The following CDKN2B-AS1 variants were observed in gnomAD, a reference collection of about 807,000 sequenced individuals.
CDKN2B-AS1 encodes the protein CDKN2B and CDKN2A antisense cis and trans regulatory RNA 1, also known as CDKN2B antisense RNA 1 (non-protein coding).
intron 4 of CDKN2B-AS1, chr9:22,097,185 T>C (rs1825311323): frequency 6.6e-6 from 1 of 151,998 alleles, no homozygotes; most frequent in Non-Finnish European, 1.5e-5. Flanking sequence ...ATTTACAGCA[T>C]GAGATGGTGA....
chr9:22,018,485 C>T (rs1364714282), intron 1 of CDKN2B-AS1, among the ~76,000 whole-genome samples: 6 of 151,170 alleles, frequency 4.0e-5, no homozygotes, highest in African/African-American at 1.2e-4. Flanking sequence ...GGCGAAACCC[C>T]GTCTCTACTA....
chr9:22,124,215 T>C (rs1310152050), intron 4 of CDKN2B-AS1, among the ~76,000 whole-genome samples: 1 of 152,228 alleles, frequency 6.6e-6, no homozygotes, highest in Non-Finnish European at 1.5e-5. Flanking sequence ...TTTTAATCCA[T>C]TTCTATTTGA....
chr9:22,117,134 G>T (rs1238875837), intron 4 of CDKN2B-AS1, among the ~76,000 whole-genome samples: 2 of 152,162 alleles, frequency 1.3e-5, no homozygotes, highest in South Asian at 2.1e-4. Context: ...AAAATGTCTT[G>T]GGTGTTTACT....
At chr9:22,071,561 C>G (rs896474789) in intron 4 of CDKN2B-AS1, among the ~76,000 whole-genome samples, 1 of 152,024 alleles carries the variant, frequency 6.6e-6, no homozygotes. Flanking sequence ...TCATAGTTCA[C>G]TTTTGCCACT....
At chr9:22,062,611 G>T (rs1323297505) in intron 4 of CDKN2B-AS1, among the ~76,000 whole-genome samples, 1 of 152,086 alleles carries the variant, frequency 6.6e-6, no homozygotes, top group Non-Finnish European at 1.5e-5. Context: ...TTCTGAGGTA[G>T]TCTCTGTGTT....
chr9:22,088,544 C>T (rs941277885), intron 4 of CDKN2B-AS1, among the ~76,000 whole-genome samples: 1 of 152,184 alleles, frequency 6.6e-6, no homozygotes, highest in African/African-American at 2.4e-5. Flanking sequence ...CATGTGTTCT[C>T]TTACAAGTTA....
intron 1 of CDKN2B-AS1, chr9:22,029,492 A>G: frequency 1.3e-6 from 1 of 779,602 alleles, no homozygotes; most frequent in Non-Finnish European, 2.4e-6. Context: ...CCATGCTGTG[A>G]TGATTCCTCA....
chr9:22,108,547 G>T (rs767135344), intron 4 of CDKN2B-AS1, among the ~76,000 whole-genome samples: 14 of 152,132 alleles, frequency 9.2e-5, no homozygotes, highest in African/African-American at 1.4e-4. Flanking sequence ...TCCTACTTGA[G>T]GATCTCAAAC....
intron 4 of CDKN2B-AS1, among the ~76,000 whole-genome samples, chr9:22,122,736 T>C (rs1826126705): frequency 6.6e-6 from 1 of 152,166 alleles, no homozygotes; most frequent in Non-Finnish European, 1.5e-5. Context: ...GGGTTCTCTA[T>C]TCTGTTCTAT....
Position 22,095,234 on chromosome 9 carries a change from C to G in CDKN2B-AS1, n.439-31869C>G, listed in dbSNP as rs534018359. Among the ~76,000 whole-genome samples, 10 of 144,852 alleles carry G rather than the reference C, an allele frequency of 6.9e-5. No individual in the cohort carries two copies. The East Asian group carries it at 2.0e-3, about 29-fold the overall frequency. On this transcript the variant is annotated intron_variant and non_coding_transcript_variant, in intron 4 of 4. Coordinates refer to ENST00000650946, the Ensembl canonical transcript of CDKN2B-AS1. ...TCAGTCTGCCCCTACTGGGGGGTGC[C>G]TCACAGTTAGGCTACTCGGGGGTCA...
intron 1 of CDKN2B-AS1, among the ~76,000 whole-genome samples, chr9:22,018,002 A>C (rs1587406994): frequency 6.6e-6 from 1 of 152,222 alleles, no homozygotes; most frequent in African/African-American, 2.4e-5. Flanking sequence ...TATAGATGGA[A>C]TATCAGGAGG....
intron 4 of CDKN2B-AS1, among the ~76,000 whole-genome samples, chr9:22,067,305 T>TCCCAAC (rs1824087384): frequency 6.6e-6 from 1 of 152,220 alleles, no homozygotes; most frequent in African/African-American, 2.4e-5. Flanking sequence ...GAATGTTGTA[T>TCCCAAC]CTTTTATTCA....
chr9:22,059,117 T>C (rs1157584713), intron 4 of CDKN2B-AS1: 2 of 152,294 alleles, frequency 1.3e-5, no homozygotes, highest in Non-Finnish European at 2.9e-5. Flanking sequence ...CCAAATCTCA[T>C]GTCCTCACAT....
chr9:22,063,053 G>A lies in CDKN2B-AS1; in HGVS notation n.438+6666G>A, dbSNP rs149167769. Among the ~76,000 whole-genome samples, 632 of 151,284 alleles carry A rather than the reference G, an allele frequency of 4.2e-3. 4 individuals carry two copies. Among genetic ancestry groups the A allele is most frequent in the African/African-American group, 0.015 (600 of 41,194 alleles). On this transcript the variant is annotated intron_variant and non_coding_transcript_variant, in intron 4 of 4. Transcript: ENST00000650946. ...TAAATTTTGGATATATGGTTTCAAGGCACTTTTCTGGATGCATAAGTGTAA... is the reference window on the plus strand; with the variant it reads ...TAAATTTTGGATATATGGTTTCAAGACACTTTTCTGGATGCATAAGTGTAA...
chr9:22,126,097 G>A (rs573343785), intron 4 of CDKN2B-AS1, among the ~76,000 whole-genome samples: 1 of 152,156 alleles, frequency 6.6e-6, no homozygotes, highest in African/African-American at 2.4e-5. Flanking sequence ...GCCTACTGTT[G>A]ACTGGAAGCC....
rs941987522 is a variant in CDKN2B-AS1 at position 21,995,420 on chromosome 9, G to A, written n.29+259G>A. 7.9e-5 allele frequency: 12 copies of A among 152,434 alleles called. No homozygotes were observed. Among genetic ancestry groups the A allele is most frequent in the Non-Finnish European group, 1.5e-4 (10 of 68,264 alleles). 9.4% of individuals were successfully genotyped at this position (152,434 alleles called of 1,614,324 possible). A position where few individuals can be genotyped will look rare whatever the true frequency, so the allele number is the denominator to read the frequency against. On this transcript the variant is annotated intron_variant and non_coding_transcript_variant, in intron 1 of 4. Coordinates refer to ENST00000650946, the Ensembl canonical transcript of CDKN2B-AS1. This position sits in a 1 kb window ranked among gnomAD's most constrained non-coding sequence, Gnocchi z 5.7. ...GTCCTCGCGTAGAATGGTTGTCTTG[G>A]CGACCGTTGGCCGCTGCCGCCTCCA...
intron 1 of CDKN2B-AS1, among the ~76,000 whole-genome samples, chr9:22,044,632 C>T (rs1349114735): frequency 6.6e-6 from 1 of 151,898 alleles, no homozygotes; most frequent in Non-Finnish European, 1.5e-5. Flanking sequence ...TCAATGCATC[C>T]TTCTTTTAAT....
chr9:22,074,705 G>A (rs1470033406), intron 4 of CDKN2B-AS1, among the ~76,000 whole-genome samples: 2 of 152,150 alleles, frequency 1.3e-5, no homozygotes, highest in Non-Finnish European at 2.9e-5. Flanking sequence ...CTAGGTTCCT[G>A]TTCTTCCCCA....
At chr9:22,008,713 C>T in intron 1 of CDKN2B-AS1, 3 of 1,611,566 alleles carry the variant, frequency 1.9e-6, no homozygotes, top group Non-Finnish European at 2.5e-6. Flanking sequence ...TCTACATCGG[C>T]GATCTAGGTT....
Sources: allele counts gnomAD v4.1 joint callset (sites outside exome capture counted in the v4.1 genomes callset), GRCh38; gene constraint gnomAD v4.1.1; non-coding constraint Gnocchi (gnomAD v3.1); transcripts MANE v1.5; gene names NCBI Gene and HGNC (gene_info 2026-07-23, HGNC 2026-07-21).